The following CLASP1 variants were observed in gnomAD, a reference collection of about 807,000 sequenced individuals.
CLASP1 encodes cytoplasmic linker associated protein 1, also known as CLIP-associating protein 1.
A neutral mutation model predicts 192.3 loss-of-function variants in CLASP1; 38 were observed. That is an observed-to-expected ratio of 0.20 (90% CI 0.15 to 0.26). CLASP1 has a LOEUF of 0.26. CLASP1 is among the 10% of genes least tolerant of loss of function. CLASP1 has a pLI of 1.00. For synonymous variants in CLASP1, 691 were observed against 712.8 expected, an observed-to-expected ratio of 0.97 and a Z score of 0.49; for missense variants, 1,433 against 1,932.5, an observed-to-expected ratio of 0.74 and a Z score of 4.85.
At chr2:121,471,545 C>T (rs1480523230) in intron 8 of CLASP1, among the ~76,000 whole-genome samples, 1 of 151,860 alleles carries the variant, frequency 6.6e-6, no homozygotes, top group Non-Finnish European at 1.5e-5. Context: ...ATCCTGTTTT[C>T]CTTGATCTAG....
chr2:121,483,796 A>G (rs2092788532), intron 8 of CLASP1, among the ~76,000 whole-genome samples: 2 of 152,246 alleles, frequency 1.3e-5, no homozygotes, highest in Admixed American at 1.3e-4. Flanking sequence ...ATAGCAATCT[A>G]GAGTTCTCAT....
exon 40 of CLASP1, chr2:121,338,124 T>G (rs2062487187): frequency 6.6e-6 from 1 of 152,230 alleles, no homozygotes; most frequent in Admixed American, 6.5e-5. Context: ...AAAGTTCTTA[T>G]TTGCTGTCCT....
At chr2:121,564,822 A>T (rs1460817449) in intron 2 of CLASP1, among the ~76,000 whole-genome samples, 2 of 152,186 alleles carry the variant, frequency 1.3e-5, no homozygotes, top group Non-Finnish European at 2.9e-5. Flanking sequence ...ACAACCCAGA[A>T]TATGCTCCAA....
Position 121,401,499 on chromosome 2 carries a change from A to T in CLASP1, c.2900+10T>A, listed in dbSNP as rs749873362. 2.5e-6 allele frequency: 4 copies of T among 1,601,896 alleles called. No homozygotes were observed. Among genetic ancestry groups the T allele is most frequent in the Non-Finnish European group, 3.4e-6 (4 of 1,175,614 alleles). On this transcript the variant is annotated intron_variant, in intron 28 of 39. Coordinates refer to ENST00000263710, the Ensembl canonical transcript of CLASP1. ...TAACATCAAAATGGACCTAACCCTT[A>T]AACACTTACCTTGTGACATCTAGAG... is the stretch of plus-strand genomic sequence containing the variant.
intron 3 of CLASP1, among the ~76,000 whole-genome samples, chr2:121,529,166 C>G (rs1351562172): frequency 2.6e-5 from 4 of 152,282 alleles, no homozygotes; most frequent in Non-Finnish European, 5.9e-5. Flanking sequence ...GGAGTGGGCA[C>G]TTATGAATAA....
intron 2 of CLASP1, among the ~76,000 whole-genome samples, chr2:121,571,182 G>GT (rs1376437479): frequency 6.6e-6 from 1 of 151,714 alleles, no homozygotes; most frequent in Non-Finnish European, 1.5e-5. Flanking sequence ...TTAGTTTTTG[G>GT]TTTTTTTCTT....
intron 2 of CLASP1, among the ~76,000 whole-genome samples, chr2:121,602,626 C>A (rs1298444786): frequency 6.6e-6 from 1 of 152,124 alleles, no homozygotes; most frequent in African/African-American, 2.4e-5. Flanking sequence ...GCCAATGGAA[C>A]AAAACAGGGA....
intron 7 of CLASP1, among the ~76,000 whole-genome samples, chr2:121,506,903 C>A (rs542088578): frequency 6.6e-6 from 1 of 152,234 alleles, no homozygotes; most frequent in Admixed American, 6.5e-5. Flanking sequence ...TCAGGAAAGT[C>A]ACTAGAACAA....
chr2:121,585,481 C>A (rs1009175732), intron 2 of CLASP1, among the ~76,000 whole-genome samples: 3 of 152,152 alleles, frequency 2.0e-5, no homozygotes, highest in African/African-American at 7.2e-5. Context: ...TCTCCTTTGC[C>A]AGCGTTCCCA....
At chr2:121,436,204 G>C (rs1287336094) in intron 19 of CLASP1, among the ~76,000 whole-genome samples, 1 of 151,912 alleles carries the variant, frequency 6.6e-6, no homozygotes, top group Non-Finnish European at 1.5e-5. Context: ...GCTAGTTTTT[G>C]TATTTTTAGT....
chr2:121,441,562 C>CA (rs571673346), intron 19 of CLASP1, among the ~76,000 whole-genome samples: 27 of 152,000 alleles, frequency 1.8e-4, no homozygotes, highest in African/African-American at 5.5e-4. Flanking sequence ...CCCATCTCTA[C>CA]AAAAAAATTG....
intron 34 of CLASP1, among the ~76,000 whole-genome samples, chr2:121,376,734 A>T (rs2070320600): frequency 6.6e-6 from 1 of 152,192 alleles, no homozygotes; most frequent in South Asian, 2.1e-4. Context: ...CAGCCACCCC[A>T]CATTGCTCAC....
At chr2:121,458,153 C>T (rs1212241821) in intron 13 of CLASP1, among the ~76,000 whole-genome samples, 1 of 152,112 alleles carries the variant, frequency 6.6e-6, no homozygotes, top group Non-Finnish European at 1.5e-5. Context: ...CAAGTAAGAA[C>T]AGTAAGAACT....
At chr2:121,459,307 C>G (rs1036861189) in intron 12 of CLASP1, among the ~76,000 whole-genome samples, 4 of 152,116 alleles carry the variant, frequency 2.6e-5, no homozygotes, top group Admixed American at 1.3e-4. Context: ...GGACTCCAGG[C>G]ACATACCAGC....
chr2:121,518,296 C>T (rs944654860), intron 6 of CLASP1, among the ~76,000 whole-genome samples: 3 of 150,140 alleles, frequency 2.0e-5, no homozygotes, highest in African/African-American at 7.4e-5. Flanking sequence ...ATGGCGGGAC[C>T]CTAAAATTAG....
At chr2:121,346,417 G>A (rs1452302214) in intron 39 of CLASP1, among the ~76,000 whole-genome samples, 1 of 152,210 alleles carries the variant, frequency 6.6e-6, no homozygotes, top group Admixed American at 6.5e-5. Flanking sequence ...AAGCAGTCTA[G>A]CCACTCTCAT....
chr2:121,412,500 T>C (rs754017221), intron 23 of CLASP1, among the ~76,000 whole-genome samples: 15 of 151,732 alleles, frequency 9.9e-5, no homozygotes, highest in Admixed American at 2.6e-4. Flanking sequence ...AAAGGGTAGA[T>C]AGTAGGAGAC....
At chr2:121,347,139 C>T in exon 39 of CLASP1, 2 of 1,574,804 alleles carry the variant, frequency 1.3e-6, no homozygotes, top group Non-Finnish European at 1.7e-6. Context: ...ACACTACTTT[C>T]GGTGTTGTCA....
In CLASP1 at chr2:121,360,237, G is replaced by A. The variant is rs141143648; in HGVS notation, c.4206+2935C>T. Among the ~76,000 whole-genome samples, 935 of 152,224 alleles carry A rather than the reference G, an allele frequency of 6.1e-3. 13 individuals are homozygous for A. The highest frequency in any genetic ancestry group is 0.021 in the African/African-American group (867 of 41,522). On this transcript the variant is annotated intron_variant, in intron 37 of 39. Transcript: ENST00000263710. ...TCCTGCTGAAGCCCAGTTTTTGTCT[G>A]GGAATATAAAACCAACTAGCTTCTT...
Sources: gnomAD v4.1 joint callset for allele counts (sites outside exome capture counted in the v4.1 genomes callset) on GRCh38, gnomAD v4.1.1 for gene constraint, MANE v1.5 for transcripts, NCBI Gene and HGNC (gene_info 2026-07-23, HGNC 2026-07-21) for gene names.